Variants in OXR1 observed in about 807,000 individuals in gnomAD.
OXR1 encodes the protein oxidation resistance protein 1.
In OXR1, 41 loss-of-function variants were observed where a neutral mutation model predicts 104.6. The observed-to-expected ratio is 0.39, with a 90% CI of 0.31 to 0.51. OXR1 has a LOEUF of 0.51. OXR1 is among the 20% of genes least tolerant of loss of function. The pLI is 0.77. For synonymous variants in OXR1, 348 were observed against 348.4 expected (o/e 1.00, Z 0.01); for missense variants, 955 against 1,031.9 (o/e 0.93, Z 1.02).
At chr8:106,451,957 A>G (rs1201915931) in intron 2 of OXR1, among the ~76,000 whole-genome samples, 2 of 152,208 alleles carry the variant, frequency 1.3e-5, no homozygotes, top group Non-Finnish European at 2.9e-5. Context: ...AGGAAGTTAA[A>G]AACACGAGAA....
intron 2 of OXR1, among the ~76,000 whole-genome samples, chr8:106,415,732 T>A (rs1038781147): frequency 6.6e-6 from 1 of 152,166 alleles, no homozygotes; most frequent in African/African-American, 2.4e-5. Flanking sequence ...TACATAGTCA[T>A]AAATTTTTGC....
At chr8:106,530,590 G>A (rs1489090654) in intron 3 of OXR1, among the ~76,000 whole-genome samples, 1 of 152,138 alleles carries the variant, frequency 6.6e-6, no homozygotes, top group African/African-American at 2.4e-5. Context: ...ACACAACTGG[G>A]GGGAGAATCT....
At chr8:106,595,468 C>T (rs1586868018) in intron 3 of OXR1, among the ~76,000 whole-genome samples, 6 of 149,000 alleles carry the variant, frequency 4.0e-5, no homozygotes, top group Middle Eastern at 7.0e-3. Context: ...GAGAATCACT[C>T]GAACCCGAGA....
At chr8:106,658,080 C>G (rs1409604847) in intron 3 of OXR1, 37 of 1,248,208 alleles carry the variant, frequency 3.0e-5, no homozygotes, top group Non-Finnish European at 3.6e-5. Context: ...CGGCGAAGCC[C>G]GGCAGGTGCG....
intron 7 of OXR1, among the ~76,000 whole-genome samples, chr8:106,702,662 T>C (rs1378312963): frequency 1.3e-5 from 2 of 152,162 alleles, no homozygotes; most frequent in African/African-American, 4.8e-5. Flanking sequence ...TTTACTCAGT[T>C]TGCACATTTT....
At chr8:106,368,491 G>T (rs1816573937) in intron 2 of OXR1, among the ~76,000 whole-genome samples, 1 of 151,938 alleles carries the variant, frequency 6.6e-6, no homozygotes, top group African/African-American at 2.4e-5. Flanking sequence ...TTACATAGGT[G>T]TATGTGTGCC....
At chr8:106,601,308 C>T (rs990778055) in intron 3 of OXR1, among the ~76,000 whole-genome samples, 12 of 147,378 alleles carry the variant, frequency 8.1e-5, no homozygotes, top group Middle Eastern at 7.0e-3. Flanking sequence ...TTATCTGTTC[C>T]GGCTGCTAAA....
At chr8:106,684,101 A>G in intron 5 of OXR1, 145 bp from the exon 6 acceptor site, 1 of 539,390 alleles carries the variant, frequency 1.9e-6, no homozygotes, top group Non-Finnish European at 3.3e-6. Context: ...GTTCTTTTTT[A>G]AAAATGTTTT....
chr8:106,575,017 G>A (rs1198631795), intron 3 of OXR1, among the ~76,000 whole-genome samples: 7 of 151,996 alleles, frequency 4.6e-5, no homozygotes, highest in South Asian at 2.1e-4. Flanking sequence ...ACTCAGTTTT[G>A]CATTATTTAT....
At chr8:106,315,174 G>T (rs549834405) in intron 1 of OXR1, among the ~76,000 whole-genome samples, 2 of 151,204 alleles carry the variant, frequency 1.3e-5, no homozygotes, top group African/African-American at 4.9e-5. Context: ...CAAGTTTTTT[G>T]TTTGTTTGTT....
At chr8:106,489,031 C>G (rs578012237) in intron 2 of OXR1, among the ~76,000 whole-genome samples, 1 of 148,536 alleles carries the variant, frequency 6.7e-6, no homozygotes, top group African/African-American at 2.5e-5. Flanking sequence ...GCCATTTTCA[C>G]GATATTGATT....
chr8:106,447,932 A>G, intron 2 of OXR1: 29 of 1,533,754 alleles, frequency 1.9e-5, no homozygotes, highest in Non-Finnish European at 2.5e-5. Flanking sequence ...CTAACGAGAC[A>G]TCTAGTACGG....
At chr8:106,425,082 GGT>G (rs1819057445) in intron 2 of OXR1, among the ~76,000 whole-genome samples, 1 of 114,952 alleles carries the variant, frequency 8.7e-6, no homozygotes, top group Non-Finnish European at 1.8e-5. Context: ...TGTTTGGTTT[GGT>G]TTTTTTTTTT....
chr8:106,562,735 C>T (rs7840713), intron 3 of OXR1, among the ~76,000 whole-genome samples: 2,297 of 152,236 alleles, frequency 0.015, 58 homozygotes, highest in African/African-American at 0.051. Context: ...GTCGGGTTAC[C>T]CACAAAGAGA....
chr8:106,345,691 A>G (rs1815448302), intron 1 of OXR1, among the ~76,000 whole-genome samples: 1 of 152,240 alleles, frequency 6.6e-6, no homozygotes, highest in African/African-American at 2.4e-5. Flanking sequence ...ACAGAGAAAG[A>G]TTAACACATA....
At chr8:106,677,541 G>A (rs1360651059) in intron 3 of OXR1, among the ~76,000 whole-genome samples, 1 of 152,102 alleles carries the variant, frequency 6.6e-6, no homozygotes, top group Non-Finnish European at 1.5e-5. Context: ...CCCGATAGGT[G>A]TGAAATGATA....
At chr8:106,643,239 C>T (rs1210715194) in intron 3 of OXR1, among the ~76,000 whole-genome samples, 1 of 152,150 alleles carries the variant, frequency 6.6e-6, no homozygotes, top group Admixed American at 6.5e-5. Context: ...GCCATAAAGT[C>T]TCTGTCACAC....
intron 11 of OXR1, among the ~76,000 whole-genome samples, chr8:106,715,278 C>G (rs1832122931): frequency 6.6e-6 from 1 of 151,718 alleles, no homozygotes; most frequent in Non-Finnish European, 1.5e-5. Context: ...ATCCATCACA[C>G]TACTTGATAC....
In OXR1 at chr8:106,464,562, G is replaced by A. The variant is rs565173164; in HGVS notation, c.24-54381G>A. Among the ~76,000 whole-genome samples, 47 of 151,844 alleles carry A rather than the reference G, an allele frequency of 3.1e-4. No individual in the cohort carries two copies. The South Asian group carries it at 9.4e-3, about 30-fold the overall frequency. On this transcript the variant is annotated intron_variant, in intron 2 of 16. Transcript: ENST00000517566. ...CTCCTTGAGTGCAGGAGCTTTCGAC[G>A]TGACAAATGTCAGCCTATCGCAGCT... is the stretch of plus-strand genomic sequence containing the variant.
Sources: gnomAD v4.1 joint callset for allele counts (sites outside exome capture counted in the v4.1 genomes callset) on GRCh38, gnomAD v4.1.1 for gene constraint, MANE v1.5 for transcripts, NCBI Gene and HGNC (gene_info 2026-07-23, HGNC 2026-07-21) for gene names.